The following FHIT variants were observed in gnomAD, a reference collection of about 807,000 sequenced individuals.
FHIT encodes the protein bis(5'-adenosyl)-triphosphatase.
In FHIT, 19 loss-of-function variants were observed where a neutral mutation model predicts 17.9. The ratio of observed to expected loss-of-function variants is 1.06; its 90% CI spans 0.74 to 1.56. FHIT has a LOEUF of 1.56. Ranked by LOEUF, FHIT falls within the 40% of genes most tolerant of loss-of-function variation. The pLI is 0.00. For missense variants in FHIT, 248 were observed against 189.2 expected, an observed-to-expected ratio of 1.31 and a Z score of -1.82; for synonymous variants, 81 against 69.7, an observed-to-expected ratio of 1.16 and a Z score of -0.81.
At chr3:60,059,335 A>G (rs1391253451) in intron 5 of FHIT, among the ~76,000 whole-genome samples, 1 of 152,164 alleles carries the variant, frequency 6.6e-6, no homozygotes, top group East Asian at 1.9e-4. Context: ...GTGGGCATAC[A>G]TACAACTTCT....
chr3:60,382,027 T>A (rs533015236), intron 5 of FHIT, among the ~76,000 whole-genome samples: 8 of 152,364 alleles, frequency 5.3e-5, no homozygotes, highest in African/African-American at 1.4e-4. Context: ...TAGCCACATA[T>A]GGCTTAATAG....
chr3:61,216,104 C>T (rs545582755), intron 1 of FHIT, among the ~76,000 whole-genome samples: 107 of 152,266 alleles, frequency 7.0e-4, no homozygotes, highest in Non-Finnish European at 1.4e-3. Context: ...ATGTCTAAAA[C>T]ACCAAAAGCA....
intron 5 of FHIT, among the ~76,000 whole-genome samples, chr3:60,479,290 T>C (rs558844560): frequency 4.6e-5 from 7 of 152,294 alleles, no homozygotes; most frequent in African/African-American, 1.4e-4. Flanking sequence ...AGGAGATGAC[T>C]ATCATACCAA....
At chr3:59,965,390 TCTTG>T (rs1365084612) in intron 7 of FHIT, among the ~76,000 whole-genome samples, 5 of 152,190 alleles carry the variant, frequency 3.3e-5, no homozygotes, top group Non-Finnish European at 7.4e-5. Context: ...ATAAATATCT[TCTTG>T]CTTGCTTTCT....
At chr3:60,796,189 C>A (rs944994084) in intron 4 of FHIT, among the ~76,000 whole-genome samples, 1 of 152,110 alleles carries the variant, frequency 6.6e-6, no homozygotes. Context: ...CGTGGGAATT[C>A]GGGGAGATAC....
At chr3:60,831,831 A>C (rs146284568) in intron 3 of FHIT, among the ~76,000 whole-genome samples, 4 of 152,142 alleles carry the variant, frequency 2.6e-5, no homozygotes, top group African/African-American at 7.2e-5. Flanking sequence ...TTAACCACTC[A>C]CTCTGCAGAA....
intron 8 of FHIT, among the ~76,000 whole-genome samples, chr3:59,805,864 C>T (rs1700173908): frequency 6.6e-6 from 1 of 152,126 alleles, no homozygotes; most frequent in African/African-American, 2.4e-5. Flanking sequence ...ACTTCTCTCC[C>T]CTCTCCTCTT....
chr3:59,881,076 G>C (rs1254623027), intron 8 of FHIT, among the ~76,000 whole-genome samples: 7 of 152,170 alleles, frequency 4.6e-5, no homozygotes, highest in Admixed American at 3.3e-4. Context: ...CATGTTTGAT[G>C]TATAAACATA....
intron 4 of FHIT, among the ~76,000 whole-genome samples, chr3:60,695,478 A>G (rs1253110319): frequency 6.6e-6 from 1 of 152,224 alleles, no homozygotes; most frequent in African/African-American, 2.4e-5. Flanking sequence ...AATGGGCTCC[A>G]AAGTCAAACT....
Position 60,555,020 on chromosome 3 carries a change from A to C in FHIT, c.-17-18041T>G, listed in dbSNP as rs377209104. ...ACGGTGTTATTCACAAGATAACTAC[A>C]TGACTGATACATTTTTTACGTAACA... On this transcript the variant is annotated intron_variant, in intron 4 of 9. Transcript: ENST00000492590. Among the ~76,000 whole-genome samples, 7 of 152,380 alleles carry C rather than the reference A, an allele frequency of 4.6e-5. No individual in the cohort carries two copies. The East Asian group carries it at 9.6e-4, about 21-fold the overall frequency.
intron 1 of FHIT, among the ~76,000 whole-genome samples, chr3:61,203,648 T>C (rs1206326796): frequency 6.6e-6 from 1 of 152,036 alleles, no homozygotes; most frequent in African/African-American, 2.4e-5. Flanking sequence ...AAGCTCTACT[T>C]GTAAAAAAAC....
intron 5 of FHIT, among the ~76,000 whole-genome samples, chr3:60,216,969 A>C (rs1170005823): frequency 6.6e-6 from 1 of 152,292 alleles, no homozygotes; most frequent in Admixed American, 6.5e-5. Context: ...ATTTTATCCA[A>C]CTACCCAGCT....
intron 4 of FHIT, among the ~76,000 whole-genome samples, chr3:60,673,100 G>C (rs1236141551): frequency 6.6e-6 from 1 of 151,890 alleles, no homozygotes; most frequent in East Asian, 1.9e-4. Flanking sequence ...GCTTTAAATA[G>C]TAAGTTACCC....
Position 60,218,699 on chromosome 3 carries a change from A to C in FHIT, c.104-204547T>G, listed in dbSNP as rs539039085. Reference sequence around the variant, plus strand: ...TACAGTCATGATGACTGTGATATCAACAAACCCATATATGGTACTTTTCTA... The same window carrying C: ...TACAGTCATGATGACTGTGATATCACCAAACCCATATATGGTACTTTTCTA... On this transcript the variant is annotated intron_variant, in intron 5 of 9. Coordinates refer to ENST00000492590, the MANE Select transcript of FHIT (RefSeq NM_002012.4). 3.9e-5 allele frequency among the ~76,000 whole-genome samples: 6 copies of C among 152,210 alleles called. No homozygotes were observed. The East Asian group carries it at 9.7e-4, about 24-fold the overall frequency.
intron 5 of FHIT, among the ~76,000 whole-genome samples, chr3:60,436,502 C>T (rs74343014): frequency 4.3e-4 from 66 of 152,250 alleles, no homozygotes; most frequent in African/African-American, 1.5e-3. Flanking sequence ...AACAGACCAA[C>T]AGAAGCTCTA....
intron 2 of FHIT, among the ~76,000 whole-genome samples, chr3:61,190,562 C>T (rs190892172): frequency 1.4e-4 from 22 of 152,140 alleles, no homozygotes; most frequent in Admixed American, 1.1e-3. Flanking sequence ...ACCATTTGAC[C>T]CAGCCATCTC....
In FHIT at chr3:60,927,144, C is replaced by T. The variant is rs971147662; in HGVS notation, c.-110-105133G>A. Among the ~76,000 whole-genome samples, 4 of 152,166 alleles carry T rather than the reference C, an allele frequency of 2.6e-5. No homozygotes were observed. In the East Asian group the frequency reaches 5.8e-4, roughly 22 times the overall value. On this transcript the variant is annotated intron_variant, in intron 3 of 9. Coordinates refer to ENST00000492590, the MANE Select transcript of FHIT (RefSeq NM_002012.4). ...CCTGCCGAGTGCCTGGGATTGCAGG[C>T]GTGCGCTGCTAAGCCTGACTGGTTT...
chr3:61,004,267 A>G (rs1319237620), intron 3 of FHIT, among the ~76,000 whole-genome samples: 1 of 152,116 alleles, frequency 6.6e-6, no homozygotes, highest in Non-Finnish European at 1.5e-5. Flanking sequence ...TAGCTCCCCA[A>G]TCAACTCTAC....
At chr3:60,328,901 T>C (rs889392123) in intron 5 of FHIT, among the ~76,000 whole-genome samples, 1 of 152,170 alleles carries the variant, frequency 6.6e-6, no homozygotes, top group African/African-American at 2.4e-5. Flanking sequence ...TAATTTCAAA[T>C]TATAAGGTAA....
Sources: allele counts gnomAD v4.1 joint callset (sites outside exome capture counted in the v4.1 genomes callset), GRCh38; gene constraint gnomAD v4.1.1; transcripts MANE v1.5; gene names NCBI Gene and HGNC (gene_info 2026-07-23, HGNC 2026-07-21).